The following DOK7 variants were observed in gnomAD, a reference collection of about 807,000 sequenced individuals.
The protein encoded by DOK7 is docking protein 7.
A neutral mutation model predicts 30.7 loss-of-function variants in DOK7; 32 were observed. That is an observed-to-expected ratio of 1.04 (90% CI 0.79 to 1.40). The LOEUF (loss-of-function observed/expected upper bound fraction) is 1.40. Among genes scored for constraint, DOK7 ranks in the 40% most tolerant of loss-of-function variants. The pLI is 0.00. For missense variants in DOK7, 1,007 were observed against 699.2 expected (o/e 1.44, Z -4.97); for synonymous variants, 447 against 324.1 (o/e 1.38, Z -4.07).
intron 6 of DOK7, among the ~76,000 whole-genome samples, chr4:3,490,605 TC>T (rs1728275864): frequency 1.2e-5 from 1 of 80,822 alleles, no homozygotes; most frequent in Admixed American, 1.7e-4. Context: ...ATTTCTTCTC[TC>T]CCTGCTCGTT....
At chr4:3,466,212 C>G (rs899906178) in intron 2 of DOK7, among the ~76,000 whole-genome samples, 2 of 152,198 alleles carry the variant, frequency 1.3e-5, no homozygotes, top group Non-Finnish European at 2.9e-5. Context: ...CCTTGCCCCC[C>G]ACAGCTGGCT....
chr4:3,489,090 C>A (rs776467394), intron 5 of DOK7, among the ~76,000 whole-genome samples: 1 of 152,128 alleles, frequency 6.6e-6, no homozygotes. Context: ...ATAGAGAAGG[C>A]GAGGCTGGTG....
intron 2 of DOK7, among the ~76,000 whole-genome samples, chr4:3,472,157 C>A (rs1432318402): frequency 6.6e-6 from 1 of 152,178 alleles, no homozygotes; most frequent in Non-Finnish European, 1.5e-5. Flanking sequence ...CGGGCTGTGG[C>A]CATGTGGCCC....
At chr4:3,500,515 C>T in intron 7 of DOK7, 1 of 1,475,690 alleles carries the variant, frequency 6.8e-7, no homozygotes, top group Non-Finnish European at 9.0e-7. Flanking sequence ...GCTTTTCCTA[C>T]AGCCTCCCCC....
downstream of DOK7, chr4:3,497,006 T>C: frequency 1.2e-6 from 1 of 858,486 alleles, no homozygotes; most frequent in Non-Finnish European, 1.7e-6. Flanking sequence ...GGCAATGTGG[T>C]GAAAGTGGTT....
intron 6 of DOK7, among the ~76,000 whole-genome samples, chr4:3,490,375 CCCCCA>C (rs1213170429): frequency 1.1e-4 from 10 of 88,264 alleles, no homozygotes; most frequent in African/African-American, 4.2e-4. Flanking sequence ...TCCTTCCTTC[CCCCCA>C]CCCCCTGCTC....
chr4:3,476,304 G>C (rs115931214), intron 3 of DOK7, 38 bp from the exon 4 acceptor site: 1 of 965,500 alleles, frequency 1.0e-6, no homozygotes, highest in African/African-American at 3.3e-5. Flanking sequence ...CTCTCACCCT[G>C]CCCGCCCGTG....
Position 3,493,053 on chromosome 4 carries a change from C to T in DOK7, c.1067C>T (p.Ala356Val), listed in dbSNP as rs368512847. ...SSYSSSLSSY[A>V]GSSLDVWRAT... is the part of the protein sequence containing the mutation. The stretch of plus-strand genomic sequence containing the variant: ...TACTCCAGCAGCCTCTCGTCCTACG[C>T]GGGCAGCAGCCTGGACGTGTGGCGG... The change falls in exon 7 of 7, where the codon GCG becomes GTG. Residue 356 changes from alanine (A) to valine (V), a missense_variant. By Grantham distance (64) the Ala-to-Val change is moderately conservative. Coordinates refer to ENST00000340083, the MANE Select transcript of DOK7 (RefSeq NM_173660.5). 197 of 1,573,722 alleles carry T rather than the reference C, an allele frequency of 1.3e-4. No individual in the cohort carries two copies. The highest frequency in any genetic ancestry group is 3.0e-4 in the African/African-American group (22 of 74,398).
chr4:3,476,125 CT>C (rs1021716822), intron 3 of DOK7, among the ~76,000 whole-genome samples: 25 of 148,672 alleles, frequency 1.7e-4, no homozygotes, highest in Admixed American at 1.7e-3. Context: ...CTGTTGCCTC[CT>C]CTCATGATGC....
intron 2 of DOK7, among the ~76,000 whole-genome samples, chr4:3,471,671 T>C (rs1457858309): frequency 6.6e-6 from 1 of 152,258 alleles, no homozygotes. Context: ...ACATTGCTGT[T>C]ACGGCGAATT....
chr4:3,476,717 A>G lies in DOK7; in HGVS notation c.532+175A>G, dbSNP rs61282869. ...TCGATGTCCAAGGTCCTCTGCCCGC[A>G]GGAACCTCAGTGTGGAGTGTCGAGG... On this transcript the variant is annotated intron_variant, in intron 4 of 6. Transcript: ENST00000340083. Among the ~76,000 whole-genome samples, 3,773 of 152,296 alleles carry G rather than the reference A, an allele frequency of 0.025. 146 individuals carry two copies. Among genetic ancestry groups the G allele is most frequent in the African/African-American group, 0.078 (3,244 of 41,540 alleles).
intron 4 of DOK7, among the ~76,000 whole-genome samples, chr4:3,485,182 T>C (rs551259156): frequency 3.5e-4 from 53 of 152,168 alleles, no homozygotes; most frequent in Middle Eastern, 3.4e-3. Context: ...GGGGCACCCA[T>C]CTGTCCAGGG....
chr4:3,482,084 A>C (rs1477761968), intron 4 of DOK7, among the ~76,000 whole-genome samples: 1 of 151,944 alleles, frequency 6.6e-6, no homozygotes, highest in African/African-American at 2.4e-5. Flanking sequence ...CCTATCCCCC[A>C]CAACAGGGCT....
chr4:3,469,238 C>A (rs1014437574), intron 2 of DOK7, among the ~76,000 whole-genome samples: 4 of 151,970 alleles, frequency 2.6e-5, no homozygotes, highest in African/African-American at 9.7e-5. Flanking sequence ...TGTGTGCCTG[C>A]TTGTTCCACA....
chr4:3,478,914 G>A (rs940211785), intron 4 of DOK7, among the ~76,000 whole-genome samples: 25 of 152,324 alleles, frequency 1.6e-4, no homozygotes, highest in South Asian at 1.0e-3. Context: ...CTGGAGGGAC[G>A]GGGAGTCTGC....
chr4:3,490,792 CCTTCCT>C (rs1304623870), intron 6 of DOK7, among the ~76,000 whole-genome samples: 2 of 71,988 alleles, frequency 2.8e-5, no homozygotes, highest in Admixed American at 1.6e-4. Flanking sequence ...CTCATTCATT[CCTTCCT>C]CTGCCCCCCC....
intron 4 of DOK7, chr4:3,484,461 G>A: frequency 1.1e-5 from 11 of 983,072 alleles, no homozygotes; most frequent in Non-Finnish European, 1.3e-5. Context: ...TTGGGCAATG[G>A]GCAGAGGCCC....
rs373205256 is a variant in DOK7, at chr4:3,493,473, G to A, written c.1487G>A (p.Gly496Glu). The change falls in exon 7 of 7, where the codon GGA becomes GAA. Residue 496 changes from glycine (G) to glutamate (E), a missense_variant. Coordinates refer to ENST00000340083, the MANE Select transcript of DOK7 (RefSeq NM_173660.5). ...PAFFSACPVCGGLKVNPPP is the reference protein window; with the variant it reads ...PAFFSACPVCEGLKVNPPP ...TTCTTTTCGGCATGTCCAGTCTGTG[G>A]AGGACTCAAGGTAAACCCCCCTCCT... 1 of 1,611,126 alleles carries A rather than the reference G, an allele frequency of 6.2e-7. No individual in the cohort carries two copies.
exon 8 of DOK7, chr4:3,501,189 C>T (rs545339435): frequency 4.6e-5 from 13 of 280,354 alleles, no homozygotes; most frequent in African/African-American, 2.7e-4. Flanking sequence ...TGCAAACCGC[C>T]CTCTCACCCT....
Sources: gnomAD v4.1 joint callset for allele counts (sites outside exome capture counted in the v4.1 genomes callset) on GRCh38, gnomAD v4.1.1 for gene constraint, MANE v1.5 for transcripts, NCBI Gene and HGNC (gene_info 2026-07-23, HGNC 2026-07-21) for gene names.